The following KCNH1 variants were observed in gnomAD, a reference collection of about 807,000 sequenced individuals.
KCNH1 encodes potassium voltage-gated channel subfamily H member 1, also known as voltage-gated delayed rectifier potassium channel KCNH1.
KCNH1 carries 27 observed loss-of-function variants against 69.2 expected under a neutral mutation model. The observed-to-expected ratio is 0.39, with a 90% CI of 0.29 to 0.54. The LOEUF (loss-of-function observed/expected upper bound fraction) is 0.54, where lower values mean the gene tolerates loss of function less well. Ranked by LOEUF, KCNH1 falls within the 20% of genes least tolerant of loss-of-function variation. The pLI is 0.68. For missense variants in KCNH1, 798 were observed against 1,261.6 expected (o/e 0.63, Z 5.57); for synonymous variants, 456 against 487.7 (o/e 0.93, Z 0.86).
intron 10 of KCNH1, among the ~76,000 whole-genome samples, chr1:210,739,919 C>G (rs1682979943): frequency 6.6e-6 from 1 of 152,050 alleles, no homozygotes; most frequent in Non-Finnish European, 1.5e-5. Context: ...GATAGAAAAG[C>G]TCAGCTGTTG....
chr1:210,896,297 TA>T (rs550260533), intron 7 of KCNH1, among the ~76,000 whole-genome samples: 49 of 147,304 alleles, frequency 3.3e-4, no homozygotes, highest in African/African-American at 4.9e-4. Context: ...ACGGGATCTT[TA>T]AAAAAAAAAA....
intron 6 of KCNH1, among the ~76,000 whole-genome samples, chr1:211,002,162 C>T (rs144708472): frequency 0.024 from 3,641 of 151,728 alleles, 155 homozygotes; most frequent in African/African-American, 0.084. Flanking sequence ...CAAACCTGCA[C>T]GTTGCGCACA....
intron 8 of KCNH1, among the ~76,000 whole-genome samples, chr1:210,803,209 T>C (rs1238800488): frequency 2.0e-5 from 3 of 152,158 alleles, no homozygotes; most frequent in African/African-American, 7.2e-5. Flanking sequence ...TTCAAGCAAT[T>C]CTCCTGCCTC....
chr1:210,859,130 CA>C (rs1685919505), intron 7 of KCNH1: 2 of 1,178,802 alleles, frequency 1.7e-6, no homozygotes, highest in African/African-American at 3.0e-5. Flanking sequence ...AGGAGGAACA[CA>C]AGCTCTTCAC....
chr1:211,079,044 A>G (rs1295305240), intron 5 of KCNH1, among the ~76,000 whole-genome samples: 1 of 152,074 alleles, frequency 6.6e-6, no homozygotes, highest in Non-Finnish European at 1.5e-5. Context: ...TTTTGAAAAG[A>G]TCAACAAAAT....
intron 6 of KCNH1, among the ~76,000 whole-genome samples, chr1:211,011,843 A>G (rs773173975): frequency 3.9e-5 from 6 of 152,218 alleles, no homozygotes; most frequent in Non-Finnish European, 8.8e-5. Flanking sequence ...TCTCCTCCAC[A>G]ATCCTTCACT....
chr1:211,048,487 A>G (rs1690133386), intron 5 of KCNH1, among the ~76,000 whole-genome samples: 1 of 152,044 alleles, frequency 6.6e-6, no homozygotes, highest in African/African-American at 2.4e-5. Context: ...ATACATATAT[A>G]CATATACCAC....
At chr1:210,879,739 T>G (rs780774122) in intron 7 of KCNH1, among the ~76,000 whole-genome samples, 4 of 152,036 alleles carry the variant, frequency 2.6e-5, no homozygotes, top group Non-Finnish European at 4.4e-5. Context: ...TCCAATATAC[T>G]GAAGGTCCTA....
At chr1:210,874,289 A>G (rs577135662) in intron 7 of KCNH1, among the ~76,000 whole-genome samples, 1 of 152,220 alleles carries the variant, frequency 6.6e-6, no homozygotes, top group Non-Finnish European at 1.5e-5. Flanking sequence ...GAAGCTGTAC[A>G]TTAAGACATC....
At chr1:210,734,642 T>A (rs1463351629) in intron 10 of KCNH1, among the ~76,000 whole-genome samples, 2 of 151,912 alleles carry the variant, frequency 1.3e-5, no homozygotes, top group Admixed American at 1.3e-4. Context: ...CTGGGGTGGC[T>A]CAGCCTTCTC....
chr1:210,971,149 C>T (rs1574370064), intron 6 of KCNH1, among the ~76,000 whole-genome samples: 1 of 152,130 alleles, frequency 6.6e-6, no homozygotes, highest in East Asian at 1.9e-4. Context: ...GACGAGGTCT[C>T]ATTATATTTT....
intron 6 of KCNH1, among the ~76,000 whole-genome samples, chr1:210,978,928 T>G (rs184162826): frequency 6.6e-6 from 1 of 152,332 alleles, no homozygotes; most frequent in African/African-American, 2.4e-5. Context: ...CCTCTGCATA[T>G]TCAAACAGCC....
chr1:210,856,821 T>TTATATATA (rs1553352227), intron 7 of KCNH1, among the ~76,000 whole-genome samples: 3 of 131,112 alleles, frequency 2.3e-5, no homozygotes, highest in East Asian at 4.4e-4. Context: ...ATTATATATA[T>TTATATATA]TTTATATATA....
intron 1 of KCNH1, among the ~76,000 whole-genome samples, chr1:211,112,501 T>TAAAAAAAAA (rs74258707): frequency 1.9e-4 from 24 of 126,182 alleles, no homozygotes; most frequent in African/African-American, 3.2e-4. Context: ...ATTAAATAAA[T>TAAAAAAAAA]AAAAAAAAAA....
chr1:210,943,354 TA>T (rs1027228709), intron 6 of KCNH1, among the ~76,000 whole-genome samples: 7 of 152,126 alleles, frequency 4.6e-5, no homozygotes, highest in African/African-American at 1.7e-4. Context: ...ATTTTTTATT[TA>T]TTTATTTTTT....
intron 10 of KCNH1, among the ~76,000 whole-genome samples, chr1:210,697,869 A>G: frequency 6.6e-6 from 1 of 152,366 alleles, no homozygotes; most frequent in East Asian, 1.9e-4. Context: ...ACATCAATGC[A>G]TCTGGGAAAG....
intron 6 of KCNH1, among the ~76,000 whole-genome samples, chr1:210,956,330 C>T (rs199921849): frequency 1.3e-5 from 2 of 152,112 alleles, no homozygotes; most frequent in African/African-American, 2.4e-5. Flanking sequence ...ATTTTCACAT[C>T]GATGTTCATC....
intron 10 of KCNH1, among the ~76,000 whole-genome samples, chr1:210,693,969 C>G (rs886616349): frequency 1.3e-5 from 2 of 152,184 alleles, no homozygotes; most frequent in African/African-American, 2.4e-5. Context: ...GTTTTAGGAG[C>G]CTGCTTGCCC....
intron 5 of KCNH1, among the ~76,000 whole-genome samples, chr1:211,045,040 G>GTATATATATATATATATATATATATATA (rs1553374030): frequency 3.6e-5 from 1 of 27,408 alleles, no homozygotes; most frequent in Non-Finnish European, 1.0e-4. Context: ...AAATTGTGGG[G>GTATATATATATATATATATATATATATA]GATATATATA....
Sources: allele counts gnomAD v4.1 joint callset (sites outside exome capture counted in the v4.1 genomes callset), GRCh38; gene constraint gnomAD v4.1.1; transcripts MANE v1.5; gene names NCBI Gene and HGNC (gene_info 2026-07-23, HGNC 2026-07-21).